Variants in EDNRA observed in about 807,000 individuals in gnomAD.
EDNRA encodes the protein endothelin-1 receptor.
In EDNRA, 11 loss-of-function variants were observed where a neutral mutation model predicts 41.4. The observed-to-expected ratio is 0.27, with a 90% CI of 0.17 to 0.44. The LOEUF (loss-of-function observed/expected upper bound fraction) is 0.44, where lower values mean the gene tolerates loss of function less well. Among genes scored for constraint, EDNRA ranks in the 20% least tolerant of loss-of-function variants. EDNRA has a pLI of 1.00. For synonymous variants in EDNRA, 172 were observed against 183.0 expected, an observed-to-expected ratio of 0.94 and a Z score of 0.49; for missense variants, 294 against 531.0, an observed-to-expected ratio of 0.55 and a Z score of 4.39.
rs139500202 is a variant in EDNRA at position 147,520,354 on chromosome 4, A to G, written c.548+376A>G. ...AAGATACTGTTCAATTATATCTGTA[A>G]TGTTTAATTAATTGAGTGAGAGGTA... On this transcript the variant is annotated intron_variant, in intron 3 of 7. Coordinates refer to ENST00000651419, the MANE Select transcript of EDNRA (RefSeq NM_001957.4). 50 of 516,402 alleles carry G rather than the reference A, an allele frequency of 9.7e-5. No individual in the cohort carries two copies. The East Asian group carries it at 2.4e-3, about 25-fold the overall frequency. The allele number at this position is 516,402 out of a possible 1,614,324, so 32.0% of individuals were successfully genotyped here. A position where few individuals can be genotyped will look rare whatever the true frequency, so the allele number is the denominator to read the frequency against.
At chr4:147,538,291 A>C (rs1451482473) in intron 5 of EDNRA, among the ~76,000 whole-genome samples, 1 of 152,102 alleles carries the variant, frequency 6.6e-6, no homozygotes, top group African/African-American at 2.4e-5. Context: ...GCATCAAAAG[A>C]GTGTCCCTAT....
intron 5 of EDNRA, among the ~76,000 whole-genome samples, chr4:147,538,041 C>T (rs759612009): frequency 1.3e-5 from 2 of 152,072 alleles, no homozygotes; most frequent in Non-Finnish European, 2.9e-5. Flanking sequence ...GGGTTGTGTT[C>T]GGATGCTGGG....
chr4:147,513,664 C>G (rs750967153), intron 2 of EDNRA, among the ~76,000 whole-genome samples: 1 of 152,134 alleles, frequency 6.6e-6, no homozygotes, highest in African/African-American at 2.4e-5. Context: ...AAGCCTGATA[C>G]CTGGTCAGTC....
rs967612838 is a variant in EDNRA at position 147,519,579 on chromosome 4, A to AT, written c.421-267dup. Among the ~76,000 whole-genome samples, 2 of 149,378 alleles carry AT rather than the reference A, an allele frequency of 1.3e-5. No homozygotes were observed. Among genetic ancestry groups the AT allele is most frequent in the African/African-American group, 4.9e-5 (2 of 40,978 alleles). On this transcript the variant is annotated intron_variant, in intron 2 of 7. Transcript: ENST00000651419. The surrounding 1 kb of genome is among the most constrained non-coding windows in gnomAD (Gnocchi z 4.1). ...TGTATTATATTAATACACTATATTG[A>AT]TTTTTATGTATTAAATATATATCAC...
At chr4:147,501,209 A>T (rs1729505968) in intron 2 of EDNRA, among the ~76,000 whole-genome samples, 1 of 152,204 alleles carries the variant, frequency 6.6e-6, no homozygotes, top group South Asian at 2.1e-4. Context: ...ATGAGTGGAG[A>T]AAAGTAAGTG....
intron 2 of EDNRA, among the ~76,000 whole-genome samples, chr4:147,497,448 T>C (rs1729344783): frequency 6.6e-6 from 1 of 152,210 alleles, no homozygotes; most frequent in Admixed American, 6.5e-5. Flanking sequence ...TAAGTACCTG[T>C]AGAAAACACA....
intron 2 of EDNRA, among the ~76,000 whole-genome samples, chr4:147,512,680 C>G (rs1729968206): frequency 6.6e-6 from 1 of 152,216 alleles, no homozygotes; most frequent in African/African-American, 2.4e-5. Context: ...CCATGAGGAA[C>G]AGTTAACATG....
At chr4:147,522,749 C>T (rs1404951733) in intron 3 of EDNRA, among the ~76,000 whole-genome samples, 1 of 152,128 alleles carries the variant, frequency 6.6e-6, no homozygotes, top group Non-Finnish European at 1.5e-5. Context: ...TGAAGAAAGC[C>T]AAACTCTGAA....
intron 2 of EDNRA, among the ~76,000 whole-genome samples, chr4:147,513,511 C>T (rs1729995015): frequency 6.6e-6 from 1 of 152,144 alleles, no homozygotes; most frequent in Admixed American, 6.5e-5. Flanking sequence ...AATGGCCTGT[C>T]CTGGGCATCA....
At position 147,535,944 on chromosome 4, in the gene EDNRA, C is replaced by T. The variant is rs1462059537; in HGVS notation, c.815C>T (p.Ala272Val). The change falls in exon 5 of 8, where the codon GCG becomes GTG. Residue 272 changes from alanine (A) to valine (V), a missense_variant. Transcript: ENST00000651419. ...TTCTGTATGCCCTTGGTGTGCACTG[C>T]GATCTTCTACACCCTCATGACTTGT... ...FYFCMPLVCT[A>V]IFYTLMTCEM... 15 of 1,613,596 alleles carry T rather than the reference C, an allele frequency of 9.3e-6. No homozygotes were observed. The highest frequency in any genetic ancestry group is 1.3e-5 in the Non-Finnish European group (15 of 1,179,868).
In EDNRA at chr4:147,536,016, A is replaced by C; in HGVS notation, c.887A>C (p.Glu296Ala). 1 of 1,613,994 alleles carries C rather than the reference A, an allele frequency of 6.2e-7. No homozygotes were observed. Among genetic ancestry groups the C allele is most frequent in the Non-Finnish European group, 8.5e-7 (1 of 1,179,896 alleles). Residue 296 changes from glutamate (E) to alanine (A), a missense_variant, in exon 5 of 8, where the codon GAA (glutamate) becomes GCA (alanine). Physicochemically the swap from Glu to Ala is moderately radical, Grantham distance 107. Coordinates refer to ENST00000651419, the MANE Select transcript of EDNRA (RefSeq NM_001957.4). The part of the protein sequence containing the change: ...RNGSLRIALS[E>A]HLKQRREVAK... Reference sequence around the variant, plus strand: ...GGCAGCTTGAGAATTGCCCTCAGTGAACATCTTAAGCAGGTAAATCCCATA... The same window carrying C: ...GGCAGCTTGAGAATTGCCCTCAGTGCACATCTTAAGCAGGTAAATCCCATA...
chr4:147,510,109 T>C (rs1729868622), intron 2 of EDNRA, among the ~76,000 whole-genome samples: 1 of 152,144 alleles, frequency 6.6e-6, no homozygotes, highest in African/African-American at 2.4e-5. Flanking sequence ...AACATTTACT[T>C]AAATGGCTGG....
chr4:147,487,634 A>G lies in EDNRA; in HGVS notation c.420+1533A>G, dbSNP rs528767956. On this transcript the variant is annotated intron_variant, in intron 2 of 7. Transcript: ENST00000651419. ...TACACTTAAGCTGTGGTTAAATTAT[A>G]TTACCCTAGCAGAAAAATCAGTGGT... Among the ~76,000 whole-genome samples, 9 of 152,338 alleles carry G rather than the reference A, an allele frequency of 5.9e-5. No individual in the cohort carries two copies. The South Asian group carries it at 1.9e-3, about 32-fold the overall frequency.
intron 7 of EDNRA, among the ~76,000 whole-genome samples, 192 bp downstream of exon 7, chr4:147,540,677 T>TATAA (rs1391239939): frequency 2.0e-5 from 3 of 152,160 alleles, no homozygotes; most frequent in African/African-American, 7.2e-5. Context: ...AGTTCCTATT[T>TATAA]AGACAACCAC....
intron 3 of EDNRA, among the ~76,000 whole-genome samples, chr4:147,526,650 C>T (rs1730559195): frequency 6.6e-6 from 1 of 152,200 alleles, no homozygotes; most frequent in South Asian, 2.1e-4. Flanking sequence ...ATTCACCACA[C>T]CTGATTCTCT....
rs1560916140 is a variant in EDNRA at position 147,532,495 on chromosome 4, CT to C, written c.549-4del. ...TTCCTAACAACTTGGTTCCATTACC[CT>C]TTTTTTCAGGTACAGAGCAGTTGCC... On this transcript the variant is annotated splice_polypyrimidine_tract_variant and intron_variant, in intron 3 of 7. Coordinates refer to ENST00000651419, the MANE Select transcript of EDNRA (RefSeq NM_001957.4). The C allele has an allele frequency of 2.5e-6, 4 of 1,613,230 alleles. No individual in the cohort carries two copies. The highest frequency in any genetic ancestry group is 3.4e-6 in the Non-Finnish European group (4 of 1,179,528).
At chr4:147,488,563 C>A (rs1350362332) in intron 2 of EDNRA, 2 of 152,080 alleles carry the variant, frequency 1.3e-5, no homozygotes, top group East Asian at 1.9e-4. Flanking sequence ...AGTCATTTAA[C>A]TATCATTAAT....
At chr4:147,499,756 T>TAG (rs1442075840) in intron 2 of EDNRA, among the ~76,000 whole-genome samples, 1 of 151,788 alleles carries the variant, frequency 6.6e-6, no homozygotes, top group Non-Finnish European at 1.5e-5. Context: ...TCATTTATTT[T>TAG]AGAGAAATTT....
chr4:147,504,682 G>A (rs575828305), intron 2 of EDNRA, among the ~76,000 whole-genome samples: 14 of 152,130 alleles, frequency 9.2e-5, no homozygotes, highest in African/African-American at 2.9e-4. Context: ...AGCCGGGTGC[G>A]GTGGTTCACG....
Sources: allele counts gnomAD v4.1 joint callset (sites outside exome capture counted in the v4.1 genomes callset), GRCh38; gene constraint gnomAD v4.1.1; non-coding constraint Gnocchi (gnomAD v3.1); transcripts MANE v1.5; gene names NCBI Gene and HGNC (gene_info 2026-07-23, HGNC 2026-07-21).